NDUFA10: variants seen among roughly 807,000 people sequenced by gnomAD.
NDUFA10 encodes NADH:ubiquinone oxidoreductase subunit A10, also known as NADH dehydrogenase [ubiquinone] 1 alpha subcomplex subunit 10, mitochondrial.
A neutral mutation model predicts 47.8 loss-of-function variants in NDUFA10; 40 were observed. The observed-to-expected ratio is 0.84, with a 90% CI of 0.65 to 1.09. The LOEUF is 1.09. Ranked by LOEUF, NDUFA10 falls within the 50% of genes least tolerant of loss-of-function variation. NDUFA10 has a pLI of 0.00. For missense variants in NDUFA10, 413 were observed against 451.1 expected, an observed-to-expected ratio of 0.92 and a Z score of 0.76; for synonymous variants, 183 against 172.2, an observed-to-expected ratio of 1.06 and a Z score of -0.49.
chr2:239,980,779 C>T (rs1003897359), intron 9 of NDUFA10, among the ~76,000 whole-genome samples: 2 of 152,140 alleles, frequency 1.3e-5, no homozygotes, highest in African/African-American at 4.8e-5. Flanking sequence ...GAGCTGAAGC[C>T]GCGGTGCCCT....
At chr2:240,008,379 T>C (rs907608612) in intron 6 of NDUFA10, among the ~76,000 whole-genome samples, 4 of 152,218 alleles carry the variant, frequency 2.6e-5, no homozygotes, top group African/African-American at 9.6e-5. Context: ...ACTTACTGCA[T>C]TTGCCATTAG....
At chr2:240,015,721 G>A (rs559363567) in intron 4 of NDUFA10, among the ~76,000 whole-genome samples, 1 of 152,376 alleles carries the variant, frequency 6.6e-6, no homozygotes, top group South Asian at 2.1e-4. Context: ...CGACCTCCCA[G>A]AAGCCAACAG....
intron 8 of NDUFA10, among the ~76,000 whole-genome samples, chr2:240,004,784 C>T (rs1399026852): frequency 3.3e-5 from 5 of 152,194 alleles, no homozygotes; most frequent in Admixed American, 3.3e-4. Context: ...ATCCTGGCCT[C>T]ACTTAGGCCT....
intron 5 of NDUFA10, chr2:240,013,758 T>C (rs1247731004): frequency 6.6e-6 from 1 of 152,236 alleles, no homozygotes; most frequent in Non-Finnish European, 1.5e-5. Flanking sequence ...CAGAGAGGTA[T>C]TTCCTGAGCA....
At chr2:239,989,100 A>G (rs1002198768) in intron 9 of NDUFA10, among the ~76,000 whole-genome samples, 1 of 152,266 alleles carries the variant, frequency 6.6e-6, no homozygotes, top group Non-Finnish European at 1.5e-5. Flanking sequence ...ACACGTGTAC[A>G]AAGACAGAAG....
intron 5 of NDUFA10, among the ~76,000 whole-genome samples, chr2:239,893,225 G>A (rs13421217): frequency 0.13 from 19,271 of 152,192 alleles, 1,342 homozygotes; most frequent in South Asian, 0.18. Flanking sequence ...CAGGGTACAC[G>A]GCAGAGAACA....
intron 4 of NDUFA10, among the ~76,000 whole-genome samples, chr2:239,938,861 T>C (rs1366664801): frequency 7.4e-6 from 1 of 134,816 alleles, no homozygotes; most frequent in Non-Finnish European, 1.7e-5. Flanking sequence ...GTGCATGAGC[T>C]GAGCAACACA....
At chr2:239,974,357 C>T (rs896726108) in intron 9 of NDUFA10, among the ~76,000 whole-genome samples, 2 of 152,242 alleles carry the variant, frequency 1.3e-5, no homozygotes, top group African/African-American at 4.8e-5. Context: ...AAGACAAACA[C>T]TCCAAGGTCA....
chr2:239,919,303 C>T (rs1693928231), intron 4 of NDUFA10, among the ~76,000 whole-genome samples: 1 of 152,154 alleles, frequency 6.6e-6, no homozygotes, highest in African/African-American at 2.4e-5. Flanking sequence ...CCCCTTTGCA[C>T]TGGGGCCTCC....
chr2:239,955,118 TTATTA>T (rs1156941476), downstream of NDUFA10, among the ~76,000 whole-genome samples: 2 of 152,204 alleles, frequency 1.3e-5, no homozygotes, highest in African/African-American at 4.8e-5. Context: ...AGGAAGGAGT[TTATTA>T]TATTTATCCA....
intron 4 of NDUFA10, among the ~76,000 whole-genome samples, chr2:239,941,629 G>A (rs918169374): frequency 1.3e-5 from 2 of 152,060 alleles, no homozygotes; most frequent in African/African-American, 4.8e-5. Flanking sequence ...AGGAGGCTGA[G>A]GTGGGAAAAT....
chr2:239,919,559 C>T (rs1170726830), intron 4 of NDUFA10, among the ~76,000 whole-genome samples: 1 of 152,244 alleles, frequency 6.6e-6, no homozygotes, highest in South Asian at 2.1e-4. Context: ...AAGGCTCATA[C>T]AGAAACAGAT....
At chr2:239,933,885 T>C (rs1694219659) in intron 4 of NDUFA10, among the ~76,000 whole-genome samples, 2 of 152,020 alleles carry the variant, frequency 1.3e-5, no homozygotes, top group African/African-American at 2.4e-5. Context: ...AGAGAGGGCG[T>C]CTCACTCTGT....
intron 5 of NDUFA10, chr2:240,013,593 A>G (rs370653080): frequency 6.6e-6 from 1 of 152,264 alleles, no homozygotes; most frequent in South Asian, 2.1e-4. Flanking sequence ...ATATGCTTAA[A>G]CAATAAAAGT....
rs535316128 is a variant in NDUFA10 at position 239,928,226 on chromosome 2, CCAATGCCACTTTGAAGG to C, written c.295-32929_295-32913del. On this transcript the variant is annotated intron_variant, in intron 4 of 5. Coordinates refer to the NDUFA10 transcript ENST00000419408. The surrounding 1 kb of genome is among the most constrained non-coding windows in gnomAD (Gnocchi z 4.3). ...TGTAACAGAAAAAAAAAGGCAGGTA[CCAATGCCACTTTGAAGG>C]CATAATTGTTCCATAACAGAAGAAA... Among the ~76,000 whole-genome samples the C allele has an allele frequency of 1.1e-4, 17 of 151,980 alleles. No individual in the cohort carries two copies. The East Asian group carries it at 3.3e-3, about 29-fold the overall frequency.
chr2:239,894,502 G>T (rs1301675853), intron 5 of NDUFA10, among the ~76,000 whole-genome samples: 1 of 152,082 alleles, frequency 6.6e-6, no homozygotes, highest in East Asian at 1.9e-4. Flanking sequence ...CCTCTCATCA[G>T]TCCCCAACAC....
chr2:239,908,446 C>A (rs1693694173), intron 4 of NDUFA10, among the ~76,000 whole-genome samples: 2 of 152,296 alleles, frequency 1.3e-5, no homozygotes, highest in South Asian at 4.1e-4. Flanking sequence ...GCAGGCCCTG[C>A]CCCTGGGCAC....
chr2:239,934,313 G>A (rs1694225114), intron 4 of NDUFA10, among the ~76,000 whole-genome samples: 2 of 152,108 alleles, frequency 1.3e-5, no homozygotes, highest in Non-Finnish European at 2.9e-5. Context: ...GGAGGGAGTG[G>A]GGGGCAGGTG....
At chr2:239,980,085 C>G (rs1352544144) in intron 9 of NDUFA10, among the ~76,000 whole-genome samples, 1 of 152,186 alleles carries the variant, frequency 6.6e-6, no homozygotes, top group African/African-American at 2.4e-5. Flanking sequence ...GCAGCCTCCT[C>G]GCTGTGCTTT....
Sources: allele counts gnomAD v4.1 joint callset (sites outside exome capture counted in the v4.1 genomes callset), GRCh38; gene constraint gnomAD v4.1.1; non-coding constraint Gnocchi (gnomAD v3.1); transcripts MANE v1.5; gene names NCBI Gene and HGNC (gene_info 2026-07-23, HGNC 2026-07-21).